ALG8: variants seen among roughly 807,000 people sequenced by gnomAD.
The protein encoded by ALG8 is ALG8 alpha-1,3-glucosyltransferase.
In ALG8, 48 loss-of-function variants were observed where a neutral mutation model predicts 70.2. The ratio of observed to expected loss-of-function variants is 0.68; its 90% CI spans 0.54 to 0.87. The LOEUF (loss-of-function observed/expected upper bound fraction) is 0.87. Ranked by LOEUF, ALG8 falls within the 40% of genes least tolerant of loss-of-function variation. The pLI is 0.00. For missense variants in ALG8, 572 were observed against 608.7 expected, an observed-to-expected ratio of 0.94 and a Z score of 0.64; for synonymous variants, 234 against 229.0, an observed-to-expected ratio of 1.02 and a Z score of -0.20.
chr11:78,123,586 C>T (rs1860927357), intron 3 of ALG8, among the ~76,000 whole-genome samples: 1 of 152,060 alleles, frequency 6.6e-6, no homozygotes, highest in South Asian at 2.1e-4. Context: ...ATGAAAGCTC[C>T]GTAAAAGCAG....
chr11:78,109,531 T>C lies in ALG8; in HGVS notation c.949A>G (p.Thr317Ala). The part of the protein sequence containing the change: ...DPNNIPKASM[T>A]SGLVQQFQHT... ...TGGAACTGCTGAACCAAACCACTTG[T>C]CATTGAGGCCTTGGGAATATTGTTG... Residue 317 changes from threonine to alanine, a missense_variant, in exon 9 of 13, where the codon ACA becomes GCA. By Grantham distance (58) the Thr-to-Ala change is moderately conservative. Transcript: ENST00000299626. The C allele has an allele frequency of 6.2e-7, 1 of 1,614,132 alleles. No homozygotes were observed. Among genetic ancestry groups the C allele is most frequent in the Non-Finnish European group, 8.5e-7 (1 of 1,179,974 alleles).
chr11:78,130,302 T>C (rs1285469505), intron 1 of ALG8, among the ~76,000 whole-genome samples: 2 of 125,378 alleles, frequency 1.6e-5, no homozygotes, highest in African/African-American at 6.3e-5. Flanking sequence ...TGAGCCAAGT[T>C]TGCACCACTG....
intron 1 of ALG8, among the ~76,000 whole-genome samples, chr11:78,129,345 A>G (rs500277): frequency 0.22 from 32,908 of 151,280 alleles, 4,422 homozygotes; most frequent in African/African-American, 0.38. Flanking sequence ...GCATGAACCC[A>G]GGAGGCGGAG....
At chr11:78,115,727 T>C (rs1860532683) in intron 5 of ALG8, among the ~76,000 whole-genome samples, 1 of 152,200 alleles carries the variant, frequency 6.6e-6, no homozygotes, top group South Asian at 2.1e-4. Context: ...ATAAATTCAC[T>C]ATTCCAACAA....
intron 11 of ALG8, 110 bp downstream of exon 11, chr11:78,104,246 A>T: frequency 9.2e-7 from 1 of 1,088,706 alleles, no homozygotes. Flanking sequence ...AGGATGAATG[A>T]TCTCTATCCA....
At chr11:78,134,659 T>C (rs1861465849) in intron 1 of ALG8, among the ~76,000 whole-genome samples, 1 of 152,258 alleles carries the variant, frequency 6.6e-6, no homozygotes, top group Non-Finnish European at 1.5e-5. Context: ...TTCAACAATA[T>C]TCACAGCATC....
At chr11:78,135,076 G>A (rs2136949647) in intron 1 of ALG8, among the ~76,000 whole-genome samples, 1 of 152,288 alleles carries the variant, frequency 6.6e-6, no homozygotes, top group South Asian at 2.1e-4. Context: ...AAAACTGATT[G>A]GGCATGGTGG....
intron 1 of ALG8, among the ~76,000 whole-genome samples, chr11:78,132,579 TG>T (rs1861349700): frequency 6.6e-6 from 1 of 152,206 alleles, no homozygotes; most frequent in Non-Finnish European, 1.5e-5. Context: ...GCTTATTCCA[TG>T]CCAGCTACAC....
At chr11:78,119,793 A>C (rs964012556) in intron 4 of ALG8, among the ~76,000 whole-genome samples, 3 of 152,152 alleles carry the variant, frequency 2.0e-5, no homozygotes, top group African/African-American at 7.2e-5. Context: ...CAAACACCAT[A>C]GTCAGATCTT....
In ALG8 at chr11:78,101,101, A is replaced by G. The variant is rs1184499128; in HGVS notation, c.1444T>C (p.Ser482Pro). The change falls in exon 13 of 13, where the codon TCC (serine) becomes CCC (proline). Residue 482 changes from serine (S) to proline (P), a missense_variant. Physicochemically the swap from Ser to Pro is moderately conservative, Grantham distance 74. Coordinates refer to ENST00000299626, the MANE Select transcript of ALG8 (RefSeq NM_024079.5). ...VCCEFVFPFT[S>P]WKVKYPFIPL... ...ATGAAGGGGTACTTCACCTTCCAGG[A>G]GGTGAAAGGGAATACAAATTCACAG... 6.2e-7 allele frequency: 1 copy of G among 1,614,104 alleles called. No homozygotes were observed. Among genetic ancestry groups the G allele is most frequent in the Non-Finnish European group, 8.5e-7 (1 of 1,180,040 alleles).
At chr11:78,130,562 A>G (rs1861268230) in intron 1 of ALG8, among the ~76,000 whole-genome samples, 1 of 152,080 alleles carries the variant, frequency 6.6e-6, no homozygotes, top group Non-Finnish European at 1.5e-5. Context: ...TTCTAGGTTG[A>G]AATTTACTTC....
Position 78,125,843 on chromosome 11 carries a change from T to C in ALG8, c.174+1515A>G, listed in dbSNP as rs147751515. ...AAACAAAACAAAATCCAACTCCCTG[T>C]CAGCAGAGTACTGCTTTTCATCAAG... On this transcript the variant is annotated intron_variant, in intron 2 of 12. Transcript: ENST00000299626. Among the ~76,000 whole-genome samples, 107 of 151,498 alleles carry C rather than the reference T, an allele frequency of 7.1e-4. 1 individual carries two copies. The East Asian group carries it at 0.017, about 24-fold the overall frequency.
intron 1 of ALG8, among the ~76,000 whole-genome samples, chr11:78,133,912 A>AAAT (rs1861426261): frequency 6.6e-6 from 1 of 152,108 alleles, no homozygotes; most frequent in African/African-American, 2.4e-5. Context: ...AAAAAAAAAA[A>AAAT]AAGTTATGTT....
chr11:78,122,695 A>G (rs1489812025), intron 3 of ALG8, among the ~76,000 whole-genome samples: 2 of 151,838 alleles, frequency 1.3e-5, no homozygotes, highest in Non-Finnish European at 2.9e-5. Flanking sequence ...AATGAATTCT[A>G]TTTCCTCTCC....
chr11:78,134,725 G>A (rs1416619755), intron 1 of ALG8, among the ~76,000 whole-genome samples: 1 of 152,228 alleles, frequency 6.6e-6, no homozygotes, highest in African/African-American at 2.4e-5. Flanking sequence ...TCCATGAGAA[G>A]TAACTCCTCA....
At chr11:78,121,441 C>T (rs1288850312) in intron 3 of ALG8, among the ~76,000 whole-genome samples, 1 of 150,854 alleles carries the variant, frequency 6.6e-6, no homozygotes, top group Non-Finnish European at 1.5e-5. Context: ...AAAAAGGTCA[C>T]AGCAAGCCGA....
intron 1 of ALG8, among the ~76,000 whole-genome samples, chr11:78,129,074 T>C (rs1209659482): frequency 6.6e-6 from 1 of 152,092 alleles, no homozygotes; most frequent in African/African-American, 2.4e-5. Flanking sequence ...TCTAAGTACG[T>C]ATACCCAACA....
intron 10 of ALG8, among the ~76,000 whole-genome samples, chr11:78,105,425 A>G (rs1859976432): frequency 6.6e-6 from 1 of 152,218 alleles, no homozygotes; most frequent in Admixed American, 6.5e-5. Flanking sequence ...ACATCATAAG[A>G]TTCAGGTCCT....
Position 78,139,579 on chromosome 11 carries a change from G to A in ALG8, c.10C>T (p.Leu4Phe). 1 of 1,556,090 alleles carries A rather than the reference G, an allele frequency of 6.4e-7. No individual in the cohort carries two copies. The highest frequency in any genetic ancestry group is 8.7e-7 in the Non-Finnish European group (1 of 1,149,370). The change falls in exon 1 of 13, where the codon CTC (leucine) becomes TTC (phenylalanine). Residue 4 changes from leucine to phenylalanine, a missense_variant. Coordinates refer to ENST00000299626, the MANE Select transcript of ALG8 (RefSeq NM_024079.5). The stretch of plus-strand genomic sequence containing the variant: ...TTGCCAGTACCCGTGGCAATTGTGA[G>A]CGCCGCCATTGCTGCGGCACCGCAC... MAALTIATGTGNWF... is the reference protein window; with the variant it reads MAAFTIATGTGNWF...
Sources: allele counts gnomAD v4.1 joint callset (sites outside exome capture counted in the v4.1 genomes callset), GRCh38; gene constraint gnomAD v4.1.1; transcripts MANE v1.5; gene names NCBI Gene and HGNC (gene_info 2026-07-23, HGNC 2026-07-21).